ITGAL: variants seen among roughly 807,000 people sequenced by gnomAD.
ITGAL encodes integrin subunit alpha L.
A neutral mutation model predicts 138.4 loss-of-function variants in ITGAL; 68 were observed. The ratio of observed to expected loss-of-function variants is 0.49; its 90% CI spans 0.40 to 0.60. ITGAL has a LOEUF of 0.60. Among genes scored for constraint, ITGAL ranks in the 20% least tolerant of loss-of-function variants. The pLI is 0.00. For synonymous variants in ITGAL, 561 were observed against 584.3 expected, an observed-to-expected ratio of 0.96 and a Z score of 0.57; for missense variants, 1,256 against 1,478.6, an observed-to-expected ratio of 0.85 and a Z score of 2.47.
rs2050797924 is a variant in ITGAL, at chr16:30,496,251, T to A, written c.1658T>A (p.Ile553Asn). ...CTGGAGGAGCAGGGGGCTGTGTACATCTTCAATGGGAGGCACGGGGGGCTT... is the reference window on the plus strand; with the variant it reads ...CTGGAGGAGCAGGGGGCTGTGTACAACTTCAATGGGAGGCACGGGGGGCTT... The part of the protein sequence containing the change: ...APLEEQGAVY[I>N]FNGRHGGLSP... The change falls in exon 14 of 31, where the codon ATC (isoleucine) becomes AAC (asparagine). Residue 553 changes from isoleucine (I) to asparagine (N), a missense_variant. Physicochemically the swap from Ile to Asn is moderately radical, Grantham distance 149. Transcript: ENST00000356798. The A allele has an allele frequency of 6.2e-7, 1 of 1,606,192 alleles. No homozygotes were observed. The highest frequency in any genetic ancestry group is 8.5e-7 in the Non-Finnish European group (1 of 1,175,948).
chr16:30,472,983 A>C, intron 1 of ITGAL, 85 bp downstream of exon 1: 2 of 1,308,584 alleles, frequency 1.5e-6, no homozygotes, highest in Admixed American at 3.8e-5. Flanking sequence ...GTAAACAAGG[A>C]GCTGCCCCCT....
intron 17 of ITGAL, 150 bp from the exon 18 acceptor site, chr16:30,504,025 T>C (rs1389111350): frequency 1.6e-6 from 1 of 637,362 alleles, no homozygotes; most frequent in East Asian, 2.9e-5. Flanking sequence ...ACACCTGCTA[T>C]GTAGTCAATG....
intron 4 of ITGAL, 80 bp from the exon 5 acceptor site, chr16:30,479,011 C>A: frequency 9.8e-7 from 1 of 1,017,012 alleles, no homozygotes; most frequent in Non-Finnish European, 1.5e-6. Context: ...GGACTCTGAA[C>A]GTTCCTAGTT....
At chr16:30,521,201 G>T (rs1005878691) in intron 30 of ITGAL, among the ~76,000 whole-genome samples, 1 of 152,062 alleles carries the variant, frequency 6.6e-6, no homozygotes, top group Non-Finnish European at 1.5e-5. Flanking sequence ...GAGGTCAGGA[G>T]TTCAAGACCA....
intron 2 of ITGAL, among the ~76,000 whole-genome samples, chr16:30,474,769 T>G (rs2050444158): frequency 6.6e-6 from 1 of 152,088 alleles, no homozygotes; most frequent in Non-Finnish European, 1.5e-5. Context: ...CAAAGGAACC[T>G]TAATTTTCTA....
chr16:30,490,468 C>T (rs1180894864), intron 11 of ITGAL, among the ~76,000 whole-genome samples: 1 of 152,128 alleles, frequency 6.6e-6, no homozygotes, highest in African/African-American at 2.4e-5. Context: ...CGCCACCCTT[C>T]CTTGTGGAAA....
chr16:30,521,805 G>A lies in ITGAL; in HGVS notation c.*140G>A. The A allele has an allele frequency of 1.3e-6, 1 of 784,338 alleles. No homozygotes were observed. Among genetic ancestry groups the A allele is most frequent in the South Asian group, 1.9e-5 (1 of 53,774 alleles). The allele number at this position is 784,338 out of a possible 1,614,324, so 48.6% of individuals were successfully genotyped here. ...CCCTCAGTTTCCCTATCTCGAACATGGAACTCATTCCTGCCTGTCTCCTTT... is the reference window on the plus strand; with the variant it reads ...CCCTCAGTTTCCCTATCTCGAACATAGAACTCATTCCTGCCTGTCTCCTTT... On this transcript the variant is annotated 3_prime_UTR_variant, in exon 31 of 31. Transcript: ENST00000356798.
At chr16:30,508,164 T>C (rs761451100) in intron 21 of ITGAL, among the ~76,000 whole-genome samples, 49 of 149,568 alleles carry the variant, frequency 3.3e-4, no homozygotes, top group Non-Finnish European at 2.2e-4. Flanking sequence ...CGCCTCAGCC[T>C]CCCACAGTGC....
At chr16:30,497,873 G>A (rs956555511) in intron 15 of ITGAL, among the ~76,000 whole-genome samples, 1 of 150,776 alleles carries the variant, frequency 6.6e-6, no homozygotes, top group East Asian at 2.0e-4. Flanking sequence ...CTTGAGCCTG[G>A]GAGGTCGAGG....
At chr16:30,499,876 G>A (rs1048888806) in intron 17 of ITGAL, among the ~76,000 whole-genome samples, 1 of 147,104 alleles carries the variant, frequency 6.8e-6, no homozygotes, top group African/African-American at 2.5e-5. Flanking sequence ...AGTCTCCCGA[G>A]TACCTGGGAT....
rs201549453 is a variant in ITGAL at position 30,517,755 on chromosome 16, G to A, written c.3034-42G>A. ...GGTGGGGCTGGGCGGTACACGGGTC[G>A]GAATGAAGCCGCCCTGACCCCGCTT... On this transcript the variant is annotated intron_variant, in intron 27 of 30. Transcript: ENST00000356798. The A allele has an allele frequency of 4.7e-5, 75 of 1,612,164 alleles. No homozygotes were observed. In the East Asian group the frequency reaches 1.0e-3, roughly 22 times the overall value.
rs1184300606 is a variant in ITGAL at position 30,504,177 on chromosome 16, A to T, written c.2148A>T (p.Val716=). 6 of 1,609,942 alleles carry T rather than the reference A, an allele frequency of 3.7e-6. No individual in the cohort carries two copies. Among genetic ancestry groups the T allele is most frequent in the Non-Finnish European group, 4.3e-6 (5 of 1,176,264 alleles). Residue 716 remains valine, a splice_region_variant and synonymous_variant, in exon 18 of 31, where the codon GTA becomes GTT. Transcript: ENST00000356798. Reference sequence around the variant, plus strand: ...GGCTGTATTCTTATCACCCTCAGGTATGTGTTCAAGACCTCATCTCCCCCA... The same window carrying T: ...GGCTGTATTCTTATCACCCTCAGGTTTGTGTTCAAGACCTCATCTCCCCCA... ...SCTDFSFHFP[V]CVQDLISPIN... is the part of the protein sequence containing the mutation.
intron 1 of ITGAL, 66 bp from the exon 2 acceptor site, chr16:30,474,130 C>T: frequency 8.0e-7 from 1 of 1,247,146 alleles, no homozygotes. Flanking sequence ...TGGGATCGGC[C>T]ACCTGCTGGG....
Position 30,494,919 on chromosome 16 carries a change from T to C in ITGAL, c.1503+69T>C. 6.7e-7 allele frequency: 1 copy of C among 1,498,024 alleles called. No individual in the cohort carries two copies. The highest frequency in any genetic ancestry group is 2.3e-5 in the East Asian group (1 of 43,236). The allele number at this position is 1,498,024 out of a possible 1,614,324, so 92.8% of individuals were successfully genotyped here. A position where few individuals can be genotyped will look rare whatever the true frequency, so the allele number is the denominator to read the frequency against. ...AGAGATTCGCAGCTCCCAGTTATTCTGAAGGCTTTCTCTGTCTGGTCACGT... is the reference window on the plus strand; with the variant it reads ...AGAGATTCGCAGCTCCCAGTTATTCCGAAGGCTTTCTCTGTCTGGTCACGT... On this transcript the variant is annotated intron_variant, in intron 13 of 30. Coordinates refer to ENST00000356798, the MANE Select transcript of ITGAL (RefSeq NM_002209.3). The surrounding 1 kb of genome is among the most constrained non-coding windows in gnomAD (Gnocchi z 4.2).
At chr16:30,498,500 T>G (rs1009115005) in intron 15 of ITGAL, among the ~76,000 whole-genome samples, 1 of 152,122 alleles carries the variant, frequency 6.6e-6, no homozygotes, top group Non-Finnish European at 1.5e-5. Context: ...GGCTTAAACA[T>G]AAGCATGAAA....
intron 9 of ITGAL, among the ~76,000 whole-genome samples, chr16:30,486,647 G>A (rs970911378): frequency 2.0e-5 from 3 of 152,088 alleles, no homozygotes; most frequent in Admixed American, 6.6e-5. Flanking sequence ...GAAAGGGCTC[G>A]GCATGCCAGG....
chr16:30,521,647 TG>T lies in ITGAL; in HGVS notation c.3497del (p.Gly1166ValfsTer79). On this transcript the variant is annotated frameshift_variant, in exon 31 of 31. Transcript: ENST00000356798. LOFTEE classifies it high-confidence loss of function. ...CCCTCCATGAGAAGGACTCTGAGAG[TG>T]GTGGTGGCAAGGACTGAGTCCAGGC... ...KPLHEKDSES[G>X]GGKD 6.2e-7 allele frequency: 1 copy of T among 1,613,568 alleles called. No homozygotes were observed.
At position 30,478,588 on chromosome 16, in the gene ITGAL, C is replaced by T. The variant is rs2050506503; in HGVS notation, c.328-503C>T. On this transcript the variant is annotated intron_variant, in intron 4 of 30. Transcript: ENST00000356798. ...TGGCGGGTGCCTGTAGTCCCAGCTA[C>T]TCAGAAGGCTGAGGCAGGAGAATGG... is the stretch of plus-strand genomic sequence containing the variant. Among the ~76,000 whole-genome samples the T allele has an allele frequency of 2.0e-5, 3 of 148,490 alleles. 1 individual carries two copies. Among genetic ancestry groups the T allele is most frequent in the Admixed American group, 2.0e-4 (3 of 14,884 alleles).
Position 30,514,934 on chromosome 16 carries a change from C to T in ITGAL, c.2862+1088C>T, listed in dbSNP as rs537997813. Among the ~76,000 whole-genome samples the T allele has an allele frequency of 8.6e-5, 13 of 151,688 alleles. 1 individual carries two copies. In the South Asian group the frequency reaches 2.7e-3, roughly 31 times the overall value. On this transcript the variant is annotated intron_variant, in intron 25 of 30. Transcript: ENST00000356798. ...CCGCCTCCTGGATTCAAGCAATTCTCCTGCTTCAGCCTTCTGAGTAGCTGA... is the reference window on the plus strand; with the variant it reads ...CCGCCTCCTGGATTCAAGCAATTCTTCTGCTTCAGCCTTCTGAGTAGCTGA...
Sources: allele counts gnomAD v4.1 joint callset (sites outside exome capture counted in the v4.1 genomes callset), GRCh38; gene constraint gnomAD v4.1.1; non-coding constraint Gnocchi (gnomAD v3.1); transcripts MANE v1.5; gene names NCBI Gene and HGNC (gene_info 2026-07-23, HGNC 2026-07-21).